Variants in DDX46 observed in about 807,000 individuals in gnomAD.
DDX46 encodes the protein DEAD-box helicase 46.
DDX46 carries 30 observed loss-of-function variants against 134.9 expected under a neutral mutation model. The ratio of observed to expected loss-of-function variants is 0.22; its 90% CI spans 0.17 to 0.30. The LOEUF (loss-of-function observed/expected upper bound fraction) is 0.30. Ranked by LOEUF, DDX46 falls within the 10% of genes least tolerant of loss-of-function variation. The pLI is 1.00. For missense variants in DDX46, 622 were observed against 1,248.7 expected, an observed-to-expected ratio of 0.50 and a Z score of 7.56; for synonymous variants, 415 against 404.1, an observed-to-expected ratio of 1.03 and a Z score of -0.32.
chr5:134,812,019 T>TATAGACCACTC (rs1419076644), intron 18 of DDX46, among the ~76,000 whole-genome samples, 174 bp downstream of exon 18: 2 of 151,208 alleles, frequency 1.3e-5, no homozygotes, highest in Non-Finnish European at 2.9e-5. Context: ...CCTCTCAATA[T>TATAGACCACTC]ATAGACCACT....
intron 15 of DDX46, among the ~76,000 whole-genome samples, chr5:134,802,310 G>A (rs1332359707): frequency 4.0e-5 from 6 of 151,788 alleles, no homozygotes; most frequent in East Asian, 1.9e-4. Context: ...GATTACAGGC[G>A]TATGCTACCA....
At chr5:134,761,433 G>C (rs1334165968) in intron 1 of DDX46, among the ~76,000 whole-genome samples, 2 of 152,218 alleles carry the variant, frequency 1.3e-5, no homozygotes, top group African/African-American at 4.8e-5. Context: ...CGTTTGGGGA[G>C]GGAAGGGTAA....
At chr5:134,770,790 C>G (rs1365270266) in intron 3 of DDX46, 113 bp from the exon 4 acceptor site, 1 of 875,940 alleles carries the variant, frequency 1.1e-6, no homozygotes, top group Non-Finnish European at 1.6e-6. Context: ...CCACTCCAGT[C>G]TGGGCGACAG....
At chr5:134,774,417 C>T (rs966940589) in intron 5 of DDX46, among the ~76,000 whole-genome samples, 1 of 152,028 alleles carries the variant, frequency 6.6e-6, no homozygotes, top group Non-Finnish European at 1.5e-5. Flanking sequence ...CTCCTGTGAC[C>T]ATTGGTGTAT....
chr5:134,777,544 G>A, intron 5 of DDX46, 30 bp from the exon 6 acceptor site: 1 of 1,609,456 alleles, frequency 6.2e-7, no homozygotes, highest in Non-Finnish European at 8.5e-7. Flanking sequence ...TTAAACAGAT[G>A]TTTAAAGAAT....
In DDX46 at chr5:134,830,502, T is replaced by C. The variant is rs1275942693; in HGVS notation, c.*1796T>C. 1 of 152,148 alleles carries C rather than the reference T, an allele frequency of 6.6e-6. No homozygotes were observed. Among genetic ancestry groups the C allele is most frequent in the African/African-American group, 2.4e-5 (1 of 41,430 alleles). The allele number at this position is 152,148 out of a possible 1,614,324, so 9.4% of individuals were successfully genotyped here. ...CTTTAAATATTATTGACTTACAGTT[T>C]AAAAATAAATAAATAAAAGCATACT... On this transcript the variant is annotated 3_prime_UTR_variant, in exon 23 of 23. Transcript: ENST00000452510.
rs151041979 is a variant in DDX46 at position 134,807,279 on chromosome 5, C to G, written c.1955-469C>G. Reference sequence around the variant, plus strand: ...TCATGATCTGCCCGCCTCGGCCTCTCAAAGTGCTGGGATTACAGGCATGAG... The same window carrying G: ...TCATGATCTGCCCGCCTCGGCCTCTGAAAGTGCTGGGATTACAGGCATGAG... On this transcript the variant is annotated intron_variant, in intron 15 of 22. Coordinates refer to ENST00000452510, the MANE Select transcript of DDX46 (RefSeq NM_001300860.2). 8.3e-3 allele frequency among the ~76,000 whole-genome samples: 1,253 copies of G among 151,302 alleles called. 18 individuals are homozygous for G. The highest frequency in any genetic ancestry group is 0.028 in the African/African-American group (1,141 of 41,200).
intron 15 of DDX46, among the ~76,000 whole-genome samples, chr5:134,800,148 A>G (rs998864812): frequency 8.6e-5 from 13 of 152,044 alleles, no homozygotes; most frequent in Non-Finnish European, 1.9e-4. Flanking sequence ...GGATTTCACC[A>G]TGTTGGCCAG....
intron 18 of DDX46, 65 bp downstream of exon 18, chr5:134,811,910 C>T (rs984153787): frequency 6.5e-7 from 1 of 1,542,270 alleles, no homozygotes; most frequent in Non-Finnish European, 8.7e-7. Context: ...GAGGTCTTGC[C>T]ATATATGGTT....
At chr5:134,804,640 A>C (rs999639811) in intron 15 of DDX46, 1 of 214,474 alleles carries the variant, frequency 4.7e-6, no homozygotes, top group African/African-American at 2.3e-5. Context: ...CATGTTGCCC[A>C]GGCTGGCCCG....
Position 134,811,770 on chromosome 5 carries a change from G to A in DDX46, c.2361G>A (p.Leu787=), listed in dbSNP as rs965508247. The A allele has an allele frequency of 2.5e-6, 4 of 1,613,794 alleles. No individual in the cohort carries two copies. Among genetic ancestry groups the A allele is most frequent in the Non-Finnish European group, 3.4e-6 (4 of 1,179,958 alleles). ...GFKFDETEQA[L]ANERKKLQKA... is the part of the protein sequence containing the mutation. ...AGTTTGATGAAACAGAACAAGCTTT[G>A]GCTAATGAGAGGAAGAAGTTACAAA... The change falls in exon 18 of 23, where the codon TTG becomes TTA. Residue 787 remains leucine (L), a synonymous_variant. Coordinates refer to ENST00000452510, the MANE Select transcript of DDX46 (RefSeq NM_001300860.2).
In DDX46 at chr5:134,818,848, C is replaced by T. The variant is rs568102403; in HGVS notation, c.2833-12C>T. On this transcript the variant is annotated splice_polypyrimidine_tract_variant and intron_variant, in intron 20 of 22. Transcript: ENST00000452510. ...ATGAAGTGATTTTTCTTTTCCTTAC[C>T]TTTTCTTTTAGACTGCTAGGTGGAA... 43 of 1,593,768 alleles carry T rather than the reference C, an allele frequency of 2.7e-5. No homozygotes were observed. The South Asian group carries it at 3.7e-4, about 14-fold the overall frequency.
chr5:134,808,658 C>T (rs1164702147), intron 16 of DDX46, among the ~76,000 whole-genome samples: 9 of 152,128 alleles, frequency 5.9e-5, no homozygotes, highest in Non-Finnish European at 1.2e-4. Context: ...ACCAATTTCT[C>T]CTACTCCCCT....
chr5:134,794,138 A>G (rs1580799460), intron 13 of DDX46, among the ~76,000 whole-genome samples: 1 of 152,146 alleles, frequency 6.6e-6, no homozygotes, highest in African/African-American at 2.4e-5. Context: ...CAGAGTAGCA[A>G]TCAGAGCAGA....
Position 134,770,199 on chromosome 5 carries a change from ATTTTT to A in DDX46, c.351-684_351-680del, listed in dbSNP as rs368105956. Among the ~76,000 whole-genome samples, 9 of 129,788 alleles carry A rather than the reference ATTTTT, an allele frequency of 6.9e-5. No homozygotes were observed. The Admixed American group carries it at 7.1e-4, about 10-fold the overall frequency. 85.1% of individuals were successfully genotyped at this position (129,788 alleles called of 152,430 possible). ...GGCATGAGCCACTATGCCTGACCAAATTTTTTTTTTTTTTTTTTTTTTTTAAAAAG... is the reference window on the plus strand; with the variant it reads ...GGCATGAGCCACTATGCCTGACCAAATTTTTTTTTTTTTTTTTTTAAAAAG... On this transcript the variant is annotated intron_variant, in intron 3 of 22. Transcript: ENST00000452510.
At chr5:134,781,388 T>C in intron 7 of DDX46, 142 bp downstream of exon 7, 3 of 644,358 alleles carry the variant, frequency 4.7e-6, no homozygotes, top group Non-Finnish European at 7.9e-6. Flanking sequence ...TTCTTAGTAG[T>C]ATAATAGTAT....
intron 15 of DDX46, among the ~76,000 whole-genome samples, chr5:134,796,438 C>T (rs1754654799): frequency 6.6e-6 from 1 of 152,154 alleles, no homozygotes; most frequent in African/African-American, 2.4e-5. Flanking sequence ...TACGTGCTAT[C>T]TGTAGGTTTT....
intron 6 of DDX46, among the ~76,000 whole-genome samples, chr5:134,780,136 G>GTGTGTGTA (rs1305740806): frequency 1.7e-4 from 25 of 147,392 alleles, no homozygotes; most frequent in African/African-American, 6.2e-4. Flanking sequence ...GTGTGTGTGT[G>GTGTGTGTA]TGTATATGTA....
rs1251243342 is a variant in DDX46, at chr5:134,825,751, G to A, written c.2978-1196G>A. 7 of 152,076 alleles carry A rather than the reference G, an allele frequency of 4.6e-5. No homozygotes were observed. The East Asian group carries it at 1.3e-3, about 29-fold the overall frequency. The allele number at this position is 152,076 out of a possible 1,614,324, so 9.4% of individuals were successfully genotyped here. A position where few individuals can be genotyped will look rare whatever the true frequency, so the allele number is the denominator to read the frequency against. On this transcript the variant is annotated intron_variant, in intron 21 of 22. Coordinates refer to ENST00000452510, the MANE Select transcript of DDX46 (RefSeq NM_001300860.2). ...TCCAGATTCTACCCAGCCTACCCTTGATGGCTCTCTAATCTCTGCCACTTC... is the reference window on the plus strand; with the variant it reads ...TCCAGATTCTACCCAGCCTACCCTTAATGGCTCTCTAATCTCTGCCACTTC...
Sources: allele counts gnomAD v4.1 joint callset (sites outside exome capture counted in the v4.1 genomes callset), GRCh38; gene constraint gnomAD v4.1.1; transcripts MANE v1.5; gene names NCBI Gene and HGNC (gene_info 2026-07-23, HGNC 2026-07-21).